Variants in FBLN2 observed in about 807,000 individuals in gnomAD.
FBLN2 encodes the protein fibulin 2, also known as fibulin-2.
A neutral mutation model predicts 123.7 loss-of-function variants in FBLN2; 81 were observed. The ratio of observed to expected loss-of-function variants is 0.65; its 90% confidence interval spans 0.55 to 0.79. The LOEUF is 0.79. FBLN2 is among the 30% of genes least tolerant of loss of function. The pLI is 0.00. For synonymous variants in FBLN2, 699 were observed against 701.4 expected, an observed-to-expected ratio of 1.00 and a Z score of 0.05; for missense variants, 1,603 against 1,681.3, an observed-to-expected ratio of 0.95 and a Z score of 0.81.
chr3:13,565,234 C>A (rs1165255004), intron 1 of FBLN2, among the ~76,000 whole-genome samples: 2 of 152,218 alleles, frequency 1.3e-5, no homozygotes, highest in Non-Finnish European at 2.9e-5. Flanking sequence ...GTCCCCCCAC[C>A]CACAGCAGGG....
At chr3:13,552,666 G>T (rs554701352) in intron 1 of FBLN2, among the ~76,000 whole-genome samples, 1 of 152,236 alleles carries the variant, frequency 6.6e-6, no homozygotes, top group East Asian at 1.9e-4. Flanking sequence ...TAGGGTGGTG[G>T]GAGCAGTGGG....
chr3:13,620,493 A>T (rs3773268), intron 8 of FBLN2, among the ~76,000 whole-genome samples: 11,581 of 152,120 alleles, frequency 0.076, 604 homozygotes, highest in South Asian at 0.21. Flanking sequence ...AGGATCACAT[A>T]CCTTCCACCC....
intron 2 of FBLN2, among the ~76,000 whole-genome samples, chr3:13,593,852 G>A (rs572366056): frequency 2.0e-5 from 3 of 152,174 alleles, no homozygotes; most frequent in South Asian, 4.2e-4. Flanking sequence ...AGTCCCCAGC[G>A]TGGGCGGCTG....
chr3:13,629,442 C>G lies in FBLN2; in HGVS notation c.2842+150C>G, dbSNP rs113408629. On this transcript the variant is annotated intron_variant, in intron 13 of 17. Transcript: ENST00000404922. ...AGGTCGCCTTCCAGCTGGCCTCATC[C>G]TCCTGCTGGGCCTGCCAGGACCTGG... The G allele has an allele frequency of 1.6e-5, 18 of 1,131,162 alleles. No homozygotes were observed. In the South Asian group the frequency reaches 2.6e-4, roughly 16 times the overall value. 70.1% of individuals were successfully genotyped at this position (1,131,162 alleles called of 1,614,324 possible).
intron 4 of FBLN2, among the ~76,000 whole-genome samples, chr3:13,612,294 CCTTTCTTT>C (rs67522122): frequency 0.059 from 6,911 of 117,254 alleles, 240 homozygotes; most frequent in East Asian, 0.12. Context: ...CTTTTATTTT[CCTTTCTTT>C]CTTTCTTTCT....
chr3:13,556,859 C>T (rs930107030), intron 1 of FBLN2, among the ~76,000 whole-genome samples: 4 of 152,170 alleles, frequency 2.6e-5, no homozygotes, highest in African/African-American at 7.2e-5. Context: ...ATTCAGGAGA[C>T]GTAGGGGCCC....
chr3:13,576,727 C>CA (rs974503457), intron 2 of FBLN2, among the ~76,000 whole-genome samples: 2 of 151,908 alleles, frequency 1.3e-5, no homozygotes, highest in African/African-American at 4.8e-5. Flanking sequence ...GGATCCCCCC[C>CA]CCCCGGGTTC....
rs372072676 is a variant in FBLN2, at chr3:13,619,767, G to C, written c.2091G>C (p.Gly697=). ...GCAAGCAGGTGTGCAGCACTGTTGG[G>C]GGCTCAGCCATATGCTCCTGTTTTC... ...GPCKQVCSTV[G]GSAICSCFPG... is the part of the protein sequence containing the mutation. Residue 697 remains glycine (G), a synonymous_variant, in exon 8 of 18, where the codon GGG becomes GGC. Coordinates refer to ENST00000404922, the MANE Select transcript of FBLN2 (RefSeq NM_001004019.2). The C allele has an allele frequency of 2.6e-4, 412 of 1,613,264 alleles. 1 individual carries two copies. Among genetic ancestry groups the C allele is most frequent in the African/African-American group, 2.2e-3 (167 of 75,014 alleles).
intron 2 of FBLN2, among the ~76,000 whole-genome samples, chr3:13,595,496 C>T (rs1408621414): frequency 6.6e-6 from 1 of 152,204 alleles, no homozygotes. Context: ...CTCAAGGCGC[C>T]TCCACAGACC....
intron 2 of FBLN2, among the ~76,000 whole-genome samples, chr3:13,589,323 C>G (rs1262527118): frequency 2.0e-5 from 3 of 152,186 alleles, no homozygotes; most frequent in African/African-American, 7.2e-5. Flanking sequence ...TGACTGCGAA[C>G]ATACCACTTT....
intron 5 of FBLN2, among the ~76,000 whole-genome samples, chr3:13,614,640 A>G (rs1450440600): frequency 7.2e-6 from 1 of 138,674 alleles, no homozygotes; most frequent in Non-Finnish European, 1.6e-5. Context: ...CCAATTATCC[A>G]TCCATCCATC....
intron 1 of FBLN2, among the ~76,000 whole-genome samples, chr3:13,552,101 G>T (rs1402466661): frequency 1.3e-5 from 2 of 152,140 alleles, no homozygotes; most frequent in Non-Finnish European, 2.9e-5. Flanking sequence ...GCAGGTGCAG[G>T]TGATTGGGTG....
intron 2 of FBLN2, among the ~76,000 whole-genome samples, chr3:13,604,254 A>T (rs900095383): frequency 6.6e-6 from 1 of 152,022 alleles, no homozygotes; most frequent in African/African-American, 2.4e-5. Flanking sequence ...CCCATTTGTC[A>T]ATTTTGGCTT....
At chr3:13,606,066 C>G (rs1323526650) in intron 2 of FBLN2, among the ~76,000 whole-genome samples, 1 of 152,148 alleles carries the variant, frequency 6.6e-6, no homozygotes, top group Non-Finnish European at 1.5e-5. Context: ...TCCCGAGTAG[C>G]TAGGCTAACT....
intron 2 of FBLN2, among the ~76,000 whole-genome samples, chr3:13,575,081 G>A (rs1036376713): frequency 4.6e-5 from 7 of 152,154 alleles, no homozygotes; most frequent in African/African-American, 7.2e-5. Flanking sequence ...GAGGACAGAC[G>A]GTGACTAATC....
At chr3:13,617,378 C>T (rs1041632536) in intron 5 of FBLN2, among the ~76,000 whole-genome samples, 3 of 151,932 alleles carry the variant, frequency 2.0e-5, no homozygotes, top group Non-Finnish European at 4.4e-5. Flanking sequence ...ACTCATCCAC[C>T]CATCCACCCA....
At position 13,608,070 on chromosome 3, in the gene FBLN2, A is replaced by G. The variant is rs1230496426; in HGVS notation, c.1315A>G (p.Lys439Glu). The G allele has an allele frequency of 1.3e-6, 2 of 1,581,002 alleles. No homozygotes were observed. Among genetic ancestry groups the G allele is most frequent in the South Asian group, 1.2e-5 (1 of 85,822 alleles). The change falls in exon 3 of 18, where the codon AAG becomes GAG. Residue 439 changes from lysine to glutamate, a missense_variant. Transcript: ENST00000404922. ...IPRSSPEGST[K>E]DLIETCCAAG... ...CATGTTGCTATCCACAGGCTCCACC[A>G]AGGACCTGATCGAGACTTGCTGCGC...
At chr3:13,579,006 G>A (rs1300155145) in intron 2 of FBLN2, among the ~76,000 whole-genome samples, 3 of 152,204 alleles carry the variant, frequency 2.0e-5, no homozygotes, top group East Asian at 3.9e-4. Context: ...GGTGAGCCAC[G>A]ATCACGCCTT....
rs61731210 is a variant in FBLN2, at chr3:13,618,149, G to A, written c.1803G>A (p.Pro601=). ...GTEAELPNSL[P]GDDQDECLLL... ...AGGCCGAGCTGCCGAACAGCCTGCC[G>A]GGCGATGACCAGGATGAGTGCCTTC... is the stretch of plus-strand genomic sequence containing the variant. The change falls in exon 6 of 18, where the codon CCG becomes CCA. Residue 601 remains proline (P), a synonymous_variant. Coordinates refer to ENST00000404922, the MANE Select transcript of FBLN2 (RefSeq NM_001004019.2). 10,070 of 1,613,656 alleles carry A rather than the reference G, an allele frequency of 6.2e-3. 500 individuals are homozygous for A. The African/African-American group carries it at 0.11, about 18-fold the overall frequency.
Sources: allele counts gnomAD v4.1 joint callset (sites outside exome capture counted in the v4.1 genomes callset), GRCh38; gene constraint gnomAD v4.1.1; transcripts MANE v1.5; gene names NCBI Gene and HGNC (gene_info 2026-07-23, HGNC 2026-07-21).